The following TEKTL1 variants were observed in gnomAD, a reference collection of about 807,000 sequenced individuals.
The protein encoded by TEKTL1 is tektin-like protein 1.
chr19:15,011,050 G>A, the TEKTL1 span: 129 of 1,578,498 alleles, frequency 8.2e-5, 2 homozygotes, highest in South Asian at 1.3e-3. Flanking sequence ...GCTTCCGCGT[G>A]GAGATGATCA....
the TEKTL1 span, among the ~76,000 whole-genome samples, chr19:15,018,732 A>ATATATATATATT: frequency 1.2e-3 from 95 of 78,620 alleles, 18 homozygotes; most frequent in African/African-American, 2.9e-3. Context: ...ATATATATAT[A>ATATATATATATT]ACTTCCCTGG....
chr19:15,021,779 A>T, the TEKTL1 span: 1 of 1,612,788 alleles, frequency 6.2e-7, no homozygotes, highest in East Asian at 2.2e-5. Flanking sequence ...CTGGGTTTCA[A>T]TGCGCTTGCA....
At chr19:15,013,201 A>G in the TEKTL1 span, among the ~76,000 whole-genome samples, 1 of 151,858 alleles carries the variant, frequency 6.6e-6, no homozygotes, top group African/African-American at 2.4e-5. Flanking sequence ...GAGAGATGAG[A>G]CCCCACCCAC....
chr19:15,018,976 T>A, the TEKTL1 span, among the ~76,000 whole-genome samples: 1 of 151,932 alleles, frequency 6.6e-6, no homozygotes, highest in South Asian at 2.1e-4. Context: ...TGAGACAGGA[T>A]CTCACTCTGT....
the TEKTL1 span, chr19:15,011,241 G>A: frequency 1.1e-3 from 1,605 of 1,493,506 alleles, 18 homozygotes; most frequent in African/African-American, 0.022. Flanking sequence ...ACCGCCGCCC[G>A]CCTCGGCCGC....
the TEKTL1 span, chr19:15,022,031 C>G: frequency 1.2e-6 from 1 of 814,902 alleles, no homozygotes; most frequent in African/African-American, 1.7e-5. Context: ...TCGGCCTGTC[C>G]TTCAACTCCT....
the TEKTL1 span, chr19:15,022,022 C>T: frequency 4.4e-6 from 4 of 910,498 alleles, no homozygotes; most frequent in Non-Finnish European, 6.7e-6. Flanking sequence ...TCACCCAAGT[C>T]GGCCTGTCCT....
chr19:15,014,731 C>CGAG, the TEKTL1 span, among the ~76,000 whole-genome samples: 88 of 11,752 alleles, frequency 7.5e-3, 1 homozygote, highest in African/African-American at 0.039. Context: ...AGTGGGGGGG[C>CGAG]GGGGGGCGGG....
At chr19:15,022,476 G>A in the TEKTL1 span, among the ~76,000 whole-genome samples, 10 of 151,920 alleles carry the variant, frequency 6.6e-5, no homozygotes, top group East Asian at 5.8e-4. Context: ...TTACAGGTGC[G>A]CGCCACCACA....
the TEKTL1 span, among the ~76,000 whole-genome samples, chr19:15,016,111 TCGAGGGTGTGGA>T: frequency 6.7e-6 from 1 of 149,092 alleles, no homozygotes; most frequent in South Asian, 2.1e-4. Context: ...AGGCTGAGGG[TCGAGGGTGTGGA>T]CGAGGTAGGA....
At chr19:15,016,015 G>A in the TEKTL1 span, among the ~76,000 whole-genome samples, 4 of 151,630 alleles carry the variant, frequency 2.6e-5, no homozygotes, top group African/African-American at 7.3e-5. Flanking sequence ...CTTGAAGGCA[G>A]ATACAGTACT....
chr19:15,016,012 G>A, the TEKTL1 span, among the ~76,000 whole-genome samples: 1 of 151,886 alleles, frequency 6.6e-6, no homozygotes, highest in East Asian at 1.9e-4. Flanking sequence ...GACCTTGAAG[G>A]CAGATACAGT....
At chr19:15,020,536 C>T in the TEKTL1 span, 329 of 1,613,948 alleles carry the variant, frequency 2.0e-4, no homozygotes, top group Non-Finnish European at 2.7e-4. Flanking sequence ...CATGAACCAG[C>T]CTCTGGACAA....
chr19:15,012,588 G>C, the TEKTL1 span, among the ~76,000 whole-genome samples: 112 of 152,140 alleles, frequency 7.4e-4, no homozygotes, highest in Non-Finnish European at 1.4e-3. Context: ...GATGGATACA[G>C]GCCCAGGAAG....
the TEKTL1 span, among the ~76,000 whole-genome samples, chr19:15,016,240 A>C: frequency 1.5e-5 from 2 of 129,858 alleles, no homozygotes; most frequent in African/African-American, 3.0e-5. Context: ...GCTGGAGTGC[A>C]GTGGCGTGGC....
At chr19:15,013,443 C>T in the TEKTL1 span, among the ~76,000 whole-genome samples, 50 of 152,160 alleles carry the variant, frequency 3.3e-4, no homozygotes, top group African/African-American at 1.0e-3. Flanking sequence ...AAGAGAGACG[C>T]CCCCAACCTC....
At chr19:15,011,734 CAA>C in the TEKTL1 span, among the ~76,000 whole-genome samples, 32,639 of 121,544 alleles carry the variant, frequency 0.27, 3,892 homozygotes, top group Middle Eastern at 0.3. Flanking sequence ...AACTCCATCT[CAA>C]AAAAAAAAAA....
At chr19:15,013,542 G>T in the TEKTL1 span, 1 of 648,564 alleles carries the variant, frequency 1.5e-6, no homozygotes, top group South Asian at 2.0e-5. Context: ...CCCAAAGGAT[G>T]AGAGTACCCT....
the TEKTL1 span, among the ~76,000 whole-genome samples, chr19:15,014,688 G>A: frequency 6.9e-6 from 1 of 145,422 alleles, no homozygotes; most frequent in African/African-American, 2.5e-5. Flanking sequence ...GGGACAGGCT[G>A]GGGGACGAGG....
Sources: gnomAD v4.1 joint callset for allele counts (sites outside exome capture counted in the v4.1 genomes callset) on GRCh38, gnomAD v4.1.1 for gene constraint, MANE v1.5 for transcripts, NCBI Gene and HGNC (gene_info 2026-07-23, HGNC 2026-07-21) for gene names.